The following ABCC2 variants were observed in gnomAD, a reference collection of about 807,000 sequenced individuals.
The protein encoded by ABCC2 is ATP-binding cassette sub-family C member 2.
In ABCC2, 157 loss-of-function variants were observed where a neutral mutation model predicts 173.4. The observed-to-expected ratio is 0.91, with a 90% CI of 0.80 to 1.03. The LOEUF (loss-of-function observed/expected upper bound fraction) is 1.03. ABCC2 is among the 50% of genes least tolerant of loss of function. The pLI is 0.00. For missense variants in ABCC2, 1,822 were observed against 1,852.3 expected (o/e 0.98, Z 0.30); for synonymous variants, 657 against 693.5 (o/e 0.95, Z 0.83).
intron 9 of ABCC2, among the ~76,000 whole-genome samples, chr10:99,803,690 C>T (rs1432478724): frequency 6.6e-6 from 1 of 151,750 alleles, no homozygotes; most frequent in Non-Finnish European, 1.5e-5. Context: ...GTACACAGGA[C>T]GAATATCTAA....
chr10:99,826,315 C>G (rs546092785), intron 19 of ABCC2, among the ~76,000 whole-genome samples: 4 of 151,932 alleles, frequency 2.6e-5, no homozygotes, highest in Non-Finnish European at 5.9e-5. Flanking sequence ...TCTGATCCTG[C>G]GGGAACCTTT....
chr10:99,845,960 G>A (rs2039010603), intron 29 of ABCC2, among the ~76,000 whole-genome samples, 178 bp downstream of exon 29: 1 of 152,150 alleles, frequency 6.6e-6, no homozygotes, highest in African/African-American at 2.4e-5. Flanking sequence ...GAAATGTTTG[G>A]TAATATGCAT....
At chr10:99,831,534 T>G in intron 21 of ABCC2, 77 bp from the exon 22 acceptor site, 1 of 1,424,760 alleles carries the variant, frequency 7.0e-7, no homozygotes, top group Non-Finnish European at 9.9e-7. Flanking sequence ...CACTTCTCCT[T>G]GTGGTTGGCA....
At chr10:99,791,241 C>T (rs1052798479) in intron 2 of ABCC2, among the ~76,000 whole-genome samples, 2 of 152,070 alleles carry the variant, frequency 1.3e-5, no homozygotes, top group African/African-American at 4.8e-5. Flanking sequence ...AATCCTGTCT[C>T]TACTAAAAAT....
rs1229825345 is a variant in ABCC2 at position 99,843,918 on chromosome 10, A to C, written c.3843+18A>C. Reference sequence around the variant, plus strand: ...AAAATGAGGTAAGGAGGAACTGGAAAAATCCAGGAACAAGGCAAAAACAAC... The same window carrying C: ...AAAATGAGGTAAGGAGGAACTGGAACAATCCAGGAACAAGGCAAAAACAAC... On this transcript the variant is annotated intron_variant, in intron 27 of 31. Transcript: ENST00000647814. 5.0e-6 allele frequency: 8 copies of C among 1,599,828 alleles called. No homozygotes were observed. The highest frequency in any genetic ancestry group is 6.0e-6 in the Non-Finnish European group (7 of 1,166,876).
chr10:99,801,457 C>T (rs536837229), intron 9 of ABCC2, among the ~76,000 whole-genome samples: 2 of 152,176 alleles, frequency 1.3e-5, no homozygotes, highest in South Asian at 4.2e-4. Context: ...AGGATGGTCT[C>T]GATCTCCTGA....
Position 99,851,644 on chromosome 10 carries a change from T to A in ABCC2, c.*13T>A, listed in dbSNP as rs779542801. 1.3e-5 allele frequency: 21 copies of A among 1,613,288 alleles called. No homozygotes were observed. The highest frequency in any genetic ancestry group is 1.7e-5 in the Non-Finnish European group (20 of 1,179,260). On this transcript the variant is annotated 3_prime_UTR_variant, in exon 32 of 32. Coordinates refer to ENST00000647814, the MANE Select transcript of ABCC2 (RefSeq NM_000392.5). ...CACAAAATTCTAGCAGAAGGCCCCA[T>A]GGGTTAGAAAAGGACTATAAGAATA...
intron 6 of ABCC2, among the ~76,000 whole-genome samples, chr10:99,795,221 C>T (rs887907525): frequency 2.0e-5 from 3 of 152,168 alleles, no homozygotes; most frequent in African/African-American, 7.2e-5. Flanking sequence ...AAATGAAAGA[C>T]ATTGGATTCT....
In ABCC2 at chr10:99,793,545, C is replaced by T; in HGVS notation, c.334-6C>T. 1.2e-6 allele frequency: 2 copies of T among 1,614,092 alleles called. No homozygotes were observed. The highest frequency in any genetic ancestry group is 1.7e-6 in the Non-Finnish European group (2 of 1,179,976). On this transcript the variant is annotated splice_polypyrimidine_tract_variant and splice_region_variant and intron_variant, in intron 3 of 31. Coordinates refer to ENST00000647814, the MANE Select transcript of ABCC2 (RefSeq NM_000392.5). The stretch of plus-strand genomic sequence containing the variant: ...TCTTCAGAACATCATGTGAATTTCT[C>T]TCCAGCTCCTGGTTTTGCTGATCCA...
Position 99,794,483 on chromosome 10 carries a change from A to C in ABCC2, c.632+15A>C. The C allele has an allele frequency of 6.2e-7, 1 of 1,606,988 alleles. No individual in the cohort carries two copies. Among genetic ancestry groups the C allele is most frequent in the Non-Finnish European group, 8.5e-7 (1 of 1,173,572 alleles). The stretch of plus-strand genomic sequence containing the variant: ...TGGTATGACAGGTAGGAAAGCCTGG[A>C]GTATGGATTGGCTGTATCCTTACTC... On this transcript the variant is annotated intron_variant, in intron 6 of 31. Coordinates refer to ENST00000647814, the MANE Select transcript of ABCC2 (RefSeq NM_000392.5).
chr10:99,831,530 T>C (rs1342657574), intron 21 of ABCC2, 81 bp from the exon 22 acceptor site: 1 of 1,401,406 alleles, frequency 7.1e-7, no homozygotes, highest in African/African-American at 1.4e-5. Context: ...ACTCCACTTC[T>C]CCTTGTGGTT....
In ABCC2 at chr10:99,804,130, C is replaced by T. The variant is rs374787164; in HGVS notation, c.1321C>T (p.Leu441=). Residue 441 remains leucine, a synonymous_variant, in exon 10 of 32, where the codon CTG becomes TTG. Transcript: ENST00000647814. ...GGATGTGACCAACTTCATGCACATG[C>T]TGTGGTCAAGTGTTCTACAGATTGT... ...LMDVTNFMHM[L]WSSVLQIVLS... is the part of the protein sequence containing the mutation. 4 of 1,614,034 alleles carry T rather than the reference C, an allele frequency of 2.5e-6. No homozygotes were observed. In the African/African-American group the frequency reaches 5.3e-5, roughly 22 times the overall value.
intron 19 of ABCC2, 65 bp from the exon 20 acceptor site, chr10:99,830,242 C>T (rs2038714206): frequency 1.2e-6 from 2 of 1,608,772 alleles, no homozygotes; most frequent in East Asian, 2.2e-5. Context: ...GCTTCTCTCT[C>T]CTTGTTCATA....
At position 99,836,150 on chromosome 10, in the gene ABCC2, A is replaced by T; in HGVS notation, c.3474A>T (p.Pro1158=). 1.2e-6 allele frequency: 2 copies of T among 1,614,192 alleles called. No individual in the cohort carries two copies. The highest frequency in any genetic ancestry group is 1.7e-6 in the Non-Finnish European group (2 of 1,180,038). The change falls in exon 25 of 32, where the codon CCA becomes CCT. Residue 1158 remains proline, a synonymous_variant. Coordinates refer to ENST00000647814, the MANE Select transcript of ABCC2 (RefSeq NM_000392.5). ...LRRLDSVTRS[P]IYSHFSETVS... is the part of the protein sequence containing the mutation. ...GTCTGGACTCTGTCACCAGGTCCCCAATCTACTCTCACTTCAGCGAGACCG... is the reference window on the plus strand; with the variant it reads ...GTCTGGACTCTGTCACCAGGTCCCCTATCTACTCTCACTTCAGCGAGACCG...
intron 6 of ABCC2, among the ~76,000 whole-genome samples, chr10:99,796,624 G>A (rs1820001373): frequency 6.6e-6 from 1 of 152,182 alleles, no homozygotes. Context: ...GATGGAGGTT[G>A]CGGTGAGCCA....
At chr10:99,820,179 G>C (rs1057273945) in intron 19 of ABCC2, among the ~76,000 whole-genome samples, 6 of 151,964 alleles carry the variant, frequency 3.9e-5, no homozygotes, top group Non-Finnish European at 8.8e-5. Flanking sequence ...ATCACCTGAG[G>C]TCAGGAGTTC....
intron 16 of ABCC2, among the ~76,000 whole-genome samples, chr10:99,814,622 TACAC>T (rs561043063): frequency 1.9e-3 from 42 of 22,548 alleles, no homozygotes; most frequent in East Asian, 8.2e-3. Context: ...TATACACATA[TACAC>T]ACATATGTGT....
At position 99,808,081 on chromosome 10, in the gene ABCC2, A is replaced by C; in HGVS notation, c.1669-2A>C. 6.2e-7 allele frequency: 1 copy of C among 1,614,020 alleles called. No homozygotes were observed. The highest frequency in any genetic ancestry group is 8.5e-7 in the Non-Finnish European group (1 of 1,179,962). On this transcript the variant is annotated splice_acceptor_variant, in intron 12 of 31. Transcript: ENST00000647814. LOFTEE classifies it high-confidence loss of function. ...AATTGCTCATGACCTTGCCCTTTCC[A>C]GGTATCTGTGGTCACATTTTCTGTT...
chr10:99,819,975 G>C (rs187495294), intron 19 of ABCC2, among the ~76,000 whole-genome samples: 1 of 152,226 alleles, frequency 6.6e-6, no homozygotes, highest in African/African-American at 2.4e-5. Context: ...AGTTCAGGTC[G>C]AGAAAGCCAG....
Sources: allele counts gnomAD v4.1 joint callset (sites outside exome capture counted in the v4.1 genomes callset), GRCh38; gene constraint gnomAD v4.1.1; transcripts MANE v1.5; gene names NCBI Gene and HGNC (gene_info 2026-07-23, HGNC 2026-07-21).